Variants in PTPRT observed in about 807,000 individuals in gnomAD.
PTPRT encodes protein tyrosine phosphatase receptor type T.
A neutral mutation model predicts 176.8 loss-of-function variants in PTPRT; 56 were observed. The observed-to-expected ratio is 0.32, with a 90% CI of 0.26 to 0.40. The LOEUF (loss-of-function observed/expected upper bound fraction) is 0.40. PTPRT is among the 10% of genes least tolerant of loss of function. PTPRT has a pLI of 1.00. For missense variants in PTPRT, 1,540 were observed against 1,908.2 expected (o/e 0.81, Z 3.60); for synonymous variants, 783 against 739.0 (o/e 1.06, Z -0.96).
At chr20:42,872,673 A>T (rs545663279) in intron 2 of PTPRT, among the ~76,000 whole-genome samples, 2 of 152,338 alleles carry the variant, frequency 1.3e-5, no homozygotes, top group Admixed American at 1.3e-4. Context: ...AAGTCAAAGA[A>T]TGCTAGAGTC....
chr20:42,357,546 C>T (rs1255479737), intron 9 of PTPRT, among the ~76,000 whole-genome samples: 1 of 152,048 alleles, frequency 6.6e-6, no homozygotes, highest in Non-Finnish European at 1.5e-5. Context: ...CAGAGTGACC[C>T]CCATTTCTTT....
chr20:43,101,726 T>A (rs1465121207), intron 1 of PTPRT, among the ~76,000 whole-genome samples: 1 of 152,062 alleles, frequency 6.6e-6, no homozygotes, highest in Non-Finnish European at 1.5e-5. Context: ...GAGTTCTGGG[T>A]CTGATTATTC....
chr20:42,923,661 A>C (rs968391930), intron 1 of PTPRT, among the ~76,000 whole-genome samples: 2 of 152,154 alleles, frequency 1.3e-5, no homozygotes, highest in African/African-American at 4.8e-5. Flanking sequence ...TGACTTAACA[A>C]GGTCACACAA....
At chr20:42,280,041 G>A (rs552927275) in intron 13 of PTPRT, among the ~76,000 whole-genome samples, 7 of 152,284 alleles carry the variant, frequency 4.6e-5, no homozygotes, top group South Asian at 4.1e-4. Context: ...TCCAAAGTCC[G>A]TGGGATTCTC....
At chr20:42,482,240 C>CAGCACA in intron 7 of PTPRT, among the ~76,000 whole-genome samples, 1 of 152,090 alleles carries the variant, frequency 6.6e-6, no homozygotes, top group Non-Finnish European at 1.5e-5. Flanking sequence ...AGCAAGGAGG[C>CAGCACA]TAATGGCCAC....
chr20:42,249,621 A>G (rs984605637), intron 13 of PTPRT, among the ~76,000 whole-genome samples: 7 of 152,192 alleles, frequency 4.6e-5, no homozygotes, highest in African/African-American at 1.7e-4. Flanking sequence ...GGAAGTTGCT[A>G]AAAGTCACAT....
At position 42,076,837 on chromosome 20, in the gene PTPRT, A is replaced by G. The variant is rs1200701889; in HGVS notation, c.*4042T>C. 4 of 201,776 alleles carry G rather than the reference A, an allele frequency of 2.0e-5. No homozygotes were observed. The highest frequency in any genetic ancestry group is 9.2e-5 in the African/African-American group (4 of 43,584). 12.5% of individuals were successfully genotyped at this position (201,776 alleles called of 1,614,324 possible). A position where few individuals can be genotyped will look rare whatever the true frequency, so the allele number is the denominator to read the frequency against. On this transcript the variant is annotated 3_prime_UTR_variant, in exon 31 of 31. Transcript: ENST00000373187. Reference sequence around the variant, plus strand: ...AATTGTGAACGTAAAACATGAGACTATGAAGGAATTTTAAGCTTACTGTTG... The same window carrying G: ...AATTGTGAACGTAAAACATGAGACTGTGAAGGAATTTTAAGCTTACTGTTG...
intron 1 of PTPRT, among the ~76,000 whole-genome samples, chr20:43,112,266 C>A (rs968615599): frequency 6.6e-6 from 1 of 152,142 alleles, no homozygotes; most frequent in Non-Finnish European, 1.5e-5. Context: ...TAAACACACA[C>A]CCACCCTAAA....
chr20:42,451,648 A>G (rs2070830358), intron 8 of PTPRT, among the ~76,000 whole-genome samples: 1 of 152,216 alleles, frequency 6.6e-6, no homozygotes, highest in Non-Finnish European at 1.5e-5. Context: ...TGTAGCATCC[A>G]AAGAAGGAAA....
chr20:42,082,680 CA>C (rs1462437984), intron 29 of PTPRT, among the ~76,000 whole-genome samples: 1 of 152,188 alleles, frequency 6.6e-6, no homozygotes, highest in Non-Finnish European at 1.5e-5. Flanking sequence ...TCTAGGGATA[CA>C]GGGTTGGTGG....
chr20:42,895,912 C>G (rs548933862), intron 1 of PTPRT, among the ~76,000 whole-genome samples: 2 of 152,150 alleles, frequency 1.3e-5, no homozygotes, highest in South Asian at 4.2e-4. Flanking sequence ...AATACAGTCC[C>G]GTGTATTGCC....
intron 9 of PTPRT, among the ~76,000 whole-genome samples, chr20:42,372,820 A>G (rs2058604676): frequency 1.3e-5 from 2 of 152,256 alleles, no homozygotes; most frequent in East Asian, 1.9e-4. Context: ...GAAGTTTGCC[A>G]TCTACGAGAA....
intron 7 of PTPRT, among the ~76,000 whole-genome samples, chr20:42,511,731 C>T (rs1308218697): frequency 1.3e-5 from 2 of 151,186 alleles, no homozygotes; most frequent in African/African-American, 4.9e-5. Flanking sequence ...GGTAAACACC[C>T]TATTTTTTTT....
In PTPRT at chr20:42,967,821, C is replaced by T. The variant is rs1982388375; in HGVS notation, c.89-81889G>A. Among the ~76,000 whole-genome samples the T allele has an allele frequency of 4.6e-5, 7 of 152,066 alleles. No homozygotes were observed. The South Asian group carries it at 1.5e-3, about 32-fold the overall frequency. Reference sequence around the variant, plus strand: ...AGCCTCGCCCTCTCCAAGCCCACCCCCGCTACCAGATGTCAGGAAGAAATT... The same window carrying T: ...AGCCTCGCCCTCTCCAAGCCCACCCTCGCTACCAGATGTCAGGAAGAAATT... On this transcript the variant is annotated intron_variant, in intron 1 of 30. Coordinates refer to ENST00000373187, the MANE Select transcript of PTPRT (RefSeq NM_007050.6).
At chr20:43,127,617 G>C (rs1304514434) in intron 1 of PTPRT, among the ~76,000 whole-genome samples, 1 of 152,066 alleles carries the variant, frequency 6.6e-6, no homozygotes, top group Non-Finnish European at 1.5e-5. Flanking sequence ...AGAAAGCCCA[G>C]GCCATCACAC....
intron 11 of PTPRT, among the ~76,000 whole-genome samples, chr20:42,349,612 T>TTGAA (rs1346133928): frequency 1.3e-5 from 2 of 152,228 alleles, no homozygotes; most frequent in Admixed American, 1.3e-4. Context: ...AAAATGTTTG[T>TTGAA]TGAATGAATG....
rs545618146 is a variant in PTPRT at position 42,858,350 on chromosome 20, A to G, written c.214+27457T>C. Reference sequence around the variant, plus strand: ...AAAATTACCAAGAGGAGACAAGGGTAGGGAGATTCTTGCTAAAACAACTTA... The same window carrying G: ...AAAATTACCAAGAGGAGACAAGGGTGGGGAGATTCTTGCTAAAACAACTTA... On this transcript the variant is annotated intron_variant, in intron 2 of 30. Coordinates refer to ENST00000373187, the MANE Select transcript of PTPRT (RefSeq NM_007050.6). 7.3e-4 allele frequency among the ~76,000 whole-genome samples: 111 copies of G among 152,370 alleles called. 2 individuals are homozygous for G. In the South Asian group the frequency reaches 9.1e-3, roughly 13 times the overall value.
intron 17 of PTPRT, among the ~76,000 whole-genome samples, chr20:42,149,957 T>C (rs1446978264): frequency 6.6e-6 from 1 of 152,176 alleles, no homozygotes. Context: ...AGTCACAGAC[T>C]TCTTGTGTTC....
intron 16 of PTPRT, among the ~76,000 whole-genome samples, chr20:42,176,971 C>A (rs1015252895): frequency 6.6e-6 from 1 of 152,136 alleles, no homozygotes; most frequent in Non-Finnish European, 1.5e-5. Context: ...ACAAAGACAA[C>A]GGGACATTAA....
Sources: allele counts gnomAD v4.1 joint callset (sites outside exome capture counted in the v4.1 genomes callset), GRCh38; gene constraint gnomAD v4.1.1; transcripts MANE v1.5; gene names NCBI Gene and HGNC (gene_info 2026-07-23, HGNC 2026-07-21).